Variants in DAGLA observed in about 807,000 individuals in gnomAD.
The protein encoded by DAGLA is diacylglycerol lipase-alpha.
DAGLA carries 22 observed loss-of-function variants against 102.6 expected under a neutral mutation model. The observed-to-expected ratio is 0.21, with a 90% CI of 0.15 to 0.31. DAGLA has a LOEUF of 0.31. Among genes scored for constraint, DAGLA ranks in the 10% least tolerant of loss-of-function variants. DAGLA has a pLI of 1.00. For missense variants in DAGLA, 927 were observed against 1,446.6 expected (o/e 0.64, Z 5.83); for synonymous variants, 578 against 628.9 (o/e 0.92, Z 1.21).
chr11:61,699,360 C>T (rs1284706024), intron 1 of DAGLA, among the ~76,000 whole-genome samples: 2 of 152,154 alleles, frequency 1.3e-5, no homozygotes, highest in African/African-American at 2.4e-5. Context: ...GCCAGACCTC[C>T]ATGGCACTGC....
intron 1 of DAGLA, among the ~76,000 whole-genome samples, chr11:61,708,250 C>T (rs1042049236): frequency 3.3e-5 from 5 of 152,174 alleles, no homozygotes; most frequent in African/African-American, 4.8e-5. Context: ...TCAAGTCATC[C>T]GCCCGCTTAG....
chr11:61,734,818 G>T lies in DAGLA; in HGVS notation c.975-31G>T. 1 of 1,597,800 alleles carries T rather than the reference G, an allele frequency of 6.3e-7. No individual in the cohort carries two copies. The highest frequency in any genetic ancestry group is 8.6e-7 in the Non-Finnish European group (1 of 1,167,874). On this transcript the variant is annotated intron_variant, in intron 9 of 19. Coordinates refer to ENST00000257215, the MANE Select transcript of DAGLA (RefSeq NM_006133.3). The surrounding 1 kb of genome is among the most constrained non-coding windows in gnomAD (Gnocchi z 4.2). ...ACATTTGTTCCCTCGGGGACTCCCT[G>T]GCCCTGAACTCTCTTGTCACCCCAC...
intron 16 of DAGLA, 99 bp downstream of exon 16, chr11:61,738,306 A>G (rs1050983444): frequency 7.0e-6 from 7 of 995,048 alleles, no homozygotes; most frequent in Middle Eastern, 2.1e-4. Context: ...AGGCCCTGCC[A>G]TGGAAGGCCA....
intron 1 of DAGLA, among the ~76,000 whole-genome samples, chr11:61,695,590 G>T (rs890275695): frequency 1.6e-4 from 25 of 152,238 alleles, no homozygotes; most frequent in African/African-American, 6.0e-4. Context: ...TGGCGAGTTT[G>T]TGGGGACCTG....
chr11:61,689,531 G>A (rs1835996329), intron 1 of DAGLA, among the ~76,000 whole-genome samples: 1 of 150,090 alleles, frequency 6.7e-6, no homozygotes, highest in African/African-American at 2.5e-5. Context: ...TTGAGATGGA[G>A]TCTTGCTCTG....
At chr11:61,733,956 G>T (rs894199436) in intron 9 of DAGLA, among the ~76,000 whole-genome samples, 4 of 152,176 alleles carry the variant, frequency 2.6e-5, no homozygotes, top group Non-Finnish European at 4.4e-5. Context: ...GCCAGGCCAC[G>T]CTGTCTCAGG....
At position 61,684,681 on chromosome 11, in the gene DAGLA, G is replaced by A. The variant is rs995667350; in HGVS notation, c.-45+4177G>A. ...GCTGTTATTACCGCGGGGCTGCCCGGGGAGTGCACGTGTGTAAAGTTGCTT... is the reference window on the plus strand; with the variant it reads ...GCTGTTATTACCGCGGGGCTGCCCGAGGAGTGCACGTGTGTAAAGTTGCTT... On this transcript the variant is annotated intron_variant, in intron 1 of 19. Coordinates refer to ENST00000257215, the MANE Select transcript of DAGLA (RefSeq NM_006133.3). The surrounding 1 kb of genome is among the most constrained non-coding windows in gnomAD (Gnocchi z 4.5). Among the ~76,000 whole-genome samples, 1 of 152,156 alleles carries A rather than the reference G, an allele frequency of 6.6e-6. No homozygotes were observed. Among genetic ancestry groups the A allele is most frequent in the Non-Finnish European group, 1.5e-5 (1 of 68,034 alleles).
chr11:61,729,389 G>A (rs758285006), intron 8 of DAGLA, among the ~76,000 whole-genome samples: 3 of 152,144 alleles, frequency 2.0e-5, no homozygotes, highest in East Asian at 1.9e-4. Context: ...TTTCTCAATC[G>A]CCTTTCGTAG....
In DAGLA at chr11:61,744,441, C is replaced by T. The variant is rs368320691; in HGVS notation, c.3081C>T (p.His1027=). 42 of 1,595,866 alleles carry T rather than the reference C, an allele frequency of 2.6e-5. No individual in the cohort carries two copies. The highest frequency in any genetic ancestry group is 3.3e-4 in the Middle Eastern group (2 of 5,992). ...TCCGGACTTCTACCCCCACTGGCCA[C>T]GGAGCCAGCCCCGCCAAGCAAGATG... The part of the protein sequence containing the change: ...DKIRTSTPTG[H]GASPAKQDEL... The change falls in exon 20 of 20, where the codon CAC becomes CAT. Residue 1027 remains histidine (H), a synonymous_variant. Coordinates refer to ENST00000257215, the MANE Select transcript of DAGLA (RefSeq NM_006133.3).
chr11:61,743,804 G>T lies in DAGLA; in HGVS notation c.2444G>T (p.Arg815Leu). The change falls in exon 20 of 20, where the codon CGT becomes CTT. Residue 815 changes from arginine (R) to leucine (L), a missense_variant. Arg to Leu is a moderately radical substitution (Grantham distance 102). Transcript: ENST00000257215. ...CCCAGCCTCCACGCTGTGCTGGAGC[G>T]TGATGAAGGCCACCTCTTCTACATT... ...GSPSLHAVLE[R>L]DEGHLFYIDP... is the part of the protein sequence containing the mutation. The T allele has an allele frequency of 6.2e-7, 1 of 1,612,574 alleles. No individual in the cohort carries two copies. Among genetic ancestry groups the T allele is most frequent in the Non-Finnish European group, 8.5e-7 (1 of 1,179,946 alleles).
chr11:61,715,113 A>T (rs574103520), intron 1 of DAGLA, among the ~76,000 whole-genome samples: 1 of 152,264 alleles, frequency 6.6e-6, no homozygotes, highest in Admixed American at 6.5e-5. Flanking sequence ...CAGAGCCAAG[A>T]CTCAGATGCA....
In DAGLA at chr11:61,740,562, G is replaced by A; in HGVS notation, c.1953G>A (p.Leu651=). ...CGCCAGCCATGCTGCATGAGCACCTGCCCTATGTGGTCATGGAGGGGCTCA... is the reference window on the plus strand; with the variant it reads ...CGCCAGCCATGCTGCATGAGCACCTACCCTATGTGGTCATGGAGGGGCTCA... ...IISPAMLHEH[L]PYVVMEGLNK... Residue 651 remains leucine (L), a synonymous_variant, in exon 18 of 20, where the codon CTG becomes CTA. Transcript: ENST00000257215. The A allele has an allele frequency of 1.2e-6, 2 of 1,613,798 alleles. No homozygotes were observed. Among genetic ancestry groups the A allele is most frequent in the Admixed American group, 3.3e-5 (2 of 60,022 alleles).
intron 6 of DAGLA, among the ~76,000 whole-genome samples, 167 bp from the exon 7 acceptor site, chr11:61,727,986 G>A (rs2065343785): frequency 6.6e-6 from 1 of 152,172 alleles, no homozygotes; most frequent in Non-Finnish European, 1.5e-5. Flanking sequence ...AGGGCCACAT[G>A]GGGTCAGGCT....
At chr11:61,711,138 CG>C (rs2065191663) in intron 1 of DAGLA, among the ~76,000 whole-genome samples, 1 of 152,144 alleles carries the variant, frequency 6.6e-6, no homozygotes, top group African/African-American at 2.4e-5. Context: ...AGAAGACCAC[CG>C]GGGCAGGTAG....
At chr11:61,681,130 T>G (rs892375560) in intron 1 of DAGLA, among the ~76,000 whole-genome samples, 7 of 151,846 alleles carry the variant, frequency 4.6e-5, no homozygotes, top group African/African-American at 1.7e-4. Context: ...TCCTGATGAA[T>G]GGGAAGGGTA....
At chr11:61,727,520 A>T (rs953969743) in intron 6 of DAGLA, among the ~76,000 whole-genome samples, 1 of 152,230 alleles carries the variant, frequency 6.6e-6, no homozygotes, top group African/African-American at 2.4e-5. Flanking sequence ...GGCACCAGCC[A>T]GCAGGGCTCG....
chr11:61,688,300 G>T (rs1847288911), intron 1 of DAGLA, among the ~76,000 whole-genome samples: 1 of 136,000 alleles, frequency 7.4e-6, no homozygotes, highest in Admixed American at 7.8e-5. Context: ...GGGTGACAGA[G>T]CAAAACTCTG....
chr11:61,697,736 C>T (rs1298599885), intron 1 of DAGLA, among the ~76,000 whole-genome samples: 4 of 151,902 alleles, frequency 2.6e-5, no homozygotes, highest in African/African-American at 4.8e-5. Flanking sequence ...CCTGGAGTGC[C>T]GTGGTACAAT....
intron 8 of DAGLA, 138 bp downstream of exon 8, chr11:61,729,146 A>G (rs2065354781): frequency 2.7e-6 from 2 of 737,754 alleles, no homozygotes; most frequent in East Asian, 5.3e-5. Flanking sequence ...GGCTCTCCAG[A>G]GAGCCTCTCT....
Sources: gnomAD v4.1 joint callset for allele counts (sites outside exome capture counted in the v4.1 genomes callset) on GRCh38, gnomAD v4.1.1 for gene constraint, Gnocchi (gnomAD v3.1) non-coding constraint, MANE v1.5 for transcripts, NCBI Gene and HGNC (gene_info 2026-07-23, HGNC 2026-07-21) for gene names.